The following PDE10A variants were observed in gnomAD, a reference collection of about 807,000 sequenced individuals.
PDE10A encodes the protein cAMP and cAMP-inhibited cGMP 3',5'-cyclic phosphodiesterase 10A.
A neutral mutation model predicts 97.7 loss-of-function variants in PDE10A; 39 were observed. That is an observed-to-expected ratio of 0.40 (90% CI 0.31 to 0.52). The LOEUF (loss-of-function observed/expected upper bound fraction) is 0.52, where lower values mean the gene tolerates loss of function less well. Ranked by LOEUF, PDE10A falls within the 20% of genes least tolerant of loss-of-function variation. The pLI, the probability that PDE10A is intolerant of heterozygous loss-of-function variation, is 0.56. For synonymous variants in PDE10A, 371 were observed against 376.8 expected, an observed-to-expected ratio of 0.98 and a Z score of 0.18; for missense variants, 731 against 1,047.8, an observed-to-expected ratio of 0.70 and a Z score of 4.17.
At chr6:165,440,882 AAAC>A (rs1790394103) in intron 5 of PDE10A, among the ~76,000 whole-genome samples, 1 of 152,196 alleles carries the variant, frequency 6.6e-6, no homozygotes, top group Non-Finnish European at 1.5e-5. Flanking sequence ...CAGCTTTCAC[AAAC>A]AACTCTGATA....
intron 1 of PDE10A, among the ~76,000 whole-genome samples, chr6:165,739,835 A>G (rs1792674900): frequency 6.6e-6 from 1 of 152,220 alleles, no homozygotes; most frequent in Non-Finnish European, 1.5e-5. Context: ...CTCAGAAGAC[A>G]TACAGTGGCC....
chr6:165,695,246 A>C (rs912729216), intron 1 of PDE10A, among the ~76,000 whole-genome samples: 3 of 152,184 alleles, frequency 2.0e-5, no homozygotes, highest in Non-Finnish European at 4.4e-5. Context: ...AAAACCAAAA[A>C]CAAAAAAACA....
At chr6:165,920,864 G>C (rs1003016942) in intron 1 of PDE10A, among the ~76,000 whole-genome samples, 1 of 152,136 alleles carries the variant, frequency 6.6e-6, no homozygotes, top group Non-Finnish European at 1.5e-5. Flanking sequence ...CTGAACCACA[G>C]TAGATAATAA....
At chr6:165,582,147 T>C (rs1041343072) in intron 1 of PDE10A, among the ~76,000 whole-genome samples, 4 of 152,228 alleles carry the variant, frequency 2.6e-5, no homozygotes, top group Non-Finnish European at 5.9e-5. Flanking sequence ...AGGGCTTTTA[T>C]GAAGCTTAAA....
At chr6:165,372,778 C>T (rs546999416) in intron 18 of PDE10A, among the ~76,000 whole-genome samples, 39 of 138,662 alleles carry the variant, frequency 2.8e-4, no homozygotes, top group African/African-American at 1.1e-3. Flanking sequence ...CAAGTCAATC[C>T]TAAGCCAAAA....
At chr6:165,583,388 T>C (rs1785724157) in intron 1 of PDE10A, among the ~76,000 whole-genome samples, 1 of 152,182 alleles carries the variant, frequency 6.6e-6, no homozygotes, top group South Asian at 2.1e-4. Context: ...AAAAATCACT[T>C]CCCAAAAGAT....
intron 2 of PDE10A, among the ~76,000 whole-genome samples, chr6:165,491,718 A>G (rs1290162603): frequency 6.6e-6 from 1 of 152,196 alleles, no homozygotes; most frequent in Non-Finnish European, 1.5e-5. Flanking sequence ...AGTGGTACTA[A>G]GAGAAAAGTC....
chr6:165,520,504 G>T (rs1004928467), intron 2 of PDE10A, among the ~76,000 whole-genome samples: 1 of 152,118 alleles, frequency 6.6e-6, no homozygotes, highest in Admixed American at 6.6e-5. Context: ...TGGGCATGAG[G>T]ACAGCTACTA....
At chr6:165,591,094 G>A (rs1786236104) in intron 1 of PDE10A, among the ~76,000 whole-genome samples, 1 of 152,044 alleles carries the variant, frequency 6.6e-6, no homozygotes, top group Non-Finnish European at 1.5e-5. Context: ...CAAGAGAAGA[G>A]GTATTTTTAT....
At chr6:165,917,118 A>G (rs916922005) in intron 1 of PDE10A, among the ~76,000 whole-genome samples, 1 of 152,150 alleles carries the variant, frequency 6.6e-6, no homozygotes, top group South Asian at 2.1e-4. Context: ...CACGGTGGCA[A>G]CAGGGAGCAG....
intron 1 of PDE10A, among the ~76,000 whole-genome samples, chr6:165,619,026 AGTC>A: frequency 7.9e-6 from 1 of 126,290 alleles, no homozygotes; most frequent in South Asian, 2.5e-4. Flanking sequence ...AGTCTAGCAT[AGTC>A]TAGTGTAGTG....
intron 1 of PDE10A, chr6:165,576,321 T>C: frequency 1.4e-6 from 1 of 729,582 alleles, no homozygotes; most frequent in Non-Finnish European, 2.5e-6. Context: ...AATTGGCAGA[T>C]CAAAACAGAG....
At chr6:165,916,161 G>A (rs375843185) in intron 1 of PDE10A, among the ~76,000 whole-genome samples, 5 of 152,336 alleles carry the variant, frequency 3.3e-5, no homozygotes, top group East Asian at 1.9e-4. Context: ...CTTTTAAAAC[G>A]TTGTCAGCAA....
intron 1 of PDE10A, among the ~76,000 whole-genome samples, chr6:165,848,836 G>T (rs906488606): frequency 6.6e-6 from 1 of 152,174 alleles, no homozygotes; most frequent in Non-Finnish European, 1.5e-5. Flanking sequence ...TTTCCCAGGG[G>T]GGCCCCACGG....
At chr6:165,516,189 A>G (rs1473545365) in intron 2 of PDE10A, among the ~76,000 whole-genome samples, 1 of 152,090 alleles carries the variant, frequency 6.6e-6, no homozygotes, top group Non-Finnish European at 1.5e-5. Context: ...AGCTCCAGCA[A>G]TCTCTTCTCC....
At chr6:165,459,071 G>T (rs1778138768) in intron 3 of PDE10A, among the ~76,000 whole-genome samples, 1 of 152,108 alleles carries the variant, frequency 6.6e-6, no homozygotes, top group Non-Finnish European at 1.5e-5. Context: ...ATTTTGATTT[G>T]TCTGATGTTT....
chr6:165,937,315 A>G (rs1437060638), intron 1 of PDE10A, among the ~76,000 whole-genome samples: 1 of 152,250 alleles, frequency 6.6e-6, no homozygotes, highest in South Asian at 2.1e-4. Context: ...ACAAGAAGAC[A>G]TTAGCTAGCA....
rs1156648198 is a variant in PDE10A at position 165,819,577 on chromosome 6, G to A, written c.-615+167952C>T. On this transcript the variant is annotated intron_variant, in intron 1 of 19. Coordinates refer to the PDE10A transcript ENST00000366882. The surrounding 1 kb of genome is among the most constrained non-coding windows in gnomAD (Gnocchi z 4.2). ...TGTCCTTCAGGCCTCATCCACTGCC[G>A]CGACCCCCACCCCGAGTTGCCGGAC... Among the ~76,000 whole-genome samples the A allele has an allele frequency of 2.6e-5, 4 of 152,118 alleles. No individual in the cohort carries two copies. Among genetic ancestry groups the A allele is most frequent in the Admixed American group, 6.5e-5 (1 of 15,274 alleles).
chr6:165,344,425 G>A (rs930440391), intron 18 of PDE10A, among the ~76,000 whole-genome samples: 2 of 152,164 alleles, frequency 1.3e-5, no homozygotes, highest in African/African-American at 4.8e-5. Context: ...TGTAATGAGT[G>A]AGACGATGCT....
Sources: allele counts gnomAD v4.1 joint callset (sites outside exome capture counted in the v4.1 genomes callset), GRCh38; gene constraint gnomAD v4.1.1; non-coding constraint Gnocchi (gnomAD v3.1); transcripts MANE v1.5; gene names NCBI Gene and HGNC (gene_info 2026-07-23, HGNC 2026-07-21).